DNAJB6: variants seen among roughly 807,000 people sequenced by gnomAD.
DNAJB6 encodes the protein dnaJ homolog subfamily B member 6.
A neutral mutation model predicts 42.7 loss-of-function variants in DNAJB6; 16 were observed. The observed-to-expected ratio is 0.37, with a 90% confidence interval of 0.25 to 0.57. The LOEUF (loss-of-function observed/expected upper bound fraction) is 0.57. DNAJB6 is among the 20% of genes least tolerant of loss of function. The pLI is 0.74. For missense variants in DNAJB6, 347 were observed against 416.8 expected, an observed-to-expected ratio of 0.83 and a Z score of 1.46; for synonymous variants, 170 against 163.5, an observed-to-expected ratio of 1.04 and a Z score of -0.30.
At position 157,409,892 on chromosome 7, in the gene DNAJB6, C is replaced by G. The variant is rs1795910891; in HGVS notation, c.789C>G (p.Pro263=). The G allele has an allele frequency of 2.0e-6, 3 of 1,534,160 alleles. No individual in the cohort carries two copies. The highest frequency in any genetic ancestry group is 2.6e-6 in the Non-Finnish European group (3 of 1,145,700). ...QPAGLRPPKP[P]RPASLLRHAP... The stretch of plus-strand genomic sequence containing the variant: ...CCGGCCTCCGCCCGCCGAAGCCGCC[C>G]CGGCCTGCCTCGCTGCTGAGACACG... The change falls in exon 9 of 10, where the codon CCC becomes CCG. Residue 263 remains proline (P), a synonymous_variant. Coordinates refer to ENST00000262177, the MANE Select transcript of DNAJB6 (RefSeq NM_058246.4).
intron 8 of DNAJB6, among the ~76,000 whole-genome samples, chr7:157,401,810 G>C (rs1795530011): frequency 6.6e-6 from 1 of 152,214 alleles, no homozygotes. Context: ...CCTGACCTCT[G>C]CAGCAGCGGC....
intron 5 of DNAJB6, chr7:157,369,137 G>C (rs564163935): frequency 5.4e-6 from 2 of 369,286 alleles, no homozygotes; most frequent in Non-Finnish European, 1.1e-5. Flanking sequence ...TTAGGGGACC[G>C]GGAGACTGGC....
chr7:157,372,905 ACAT>A (rs1033923408), intron 5 of DNAJB6, among the ~76,000 whole-genome samples: 31 of 152,202 alleles, frequency 2.0e-4, no homozygotes, highest in African/African-American at 7.0e-4. Flanking sequence ...TCCGATGTTG[ACAT>A]CATCTCCTTT....
intron 5 of DNAJB6, among the ~76,000 whole-genome samples, chr7:157,376,834 C>T (rs1280244708): frequency 3.3e-5 from 5 of 152,130 alleles, no homozygotes; most frequent in African/African-American, 9.7e-5. Context: ...GAGCCAAGAT[C>T]GCGCCACTAC....
chr7:157,402,921 T>G (rs991838870), intron 8 of DNAJB6, among the ~76,000 whole-genome samples: 44 of 152,154 alleles, frequency 2.9e-4, no homozygotes, highest in East Asian at 1.2e-3. Flanking sequence ...ACCAGGAGTA[T>G]CTGAGACCGT....
chr7:157,408,753 T>A (rs139748737), intron 8 of DNAJB6, among the ~76,000 whole-genome samples: 2 of 152,386 alleles, frequency 1.3e-5, no homozygotes, highest in Non-Finnish European at 2.9e-5. Flanking sequence ...TCTGTCGGTC[T>A]GTCAGTCCGT....
intron 5 of DNAJB6, among the ~76,000 whole-genome samples, chr7:157,376,116 G>GT (rs1188542274): frequency 6.6e-5 from 10 of 152,136 alleles, no homozygotes; most frequent in African/African-American, 1.9e-4. Context: ...AGCTGTTCCT[G>GT]TTCCATCAGG....
chr7:157,349,162 T>G (rs1319562002), intron 1 of DNAJB6, among the ~76,000 whole-genome samples: 1 of 152,110 alleles, frequency 6.6e-6, no homozygotes. Flanking sequence ...GGATTACAGG[T>G]GTGAGACCCT....
chr7:157,403,790 T>C (rs545749686), intron 8 of DNAJB6, among the ~76,000 whole-genome samples: 227 of 152,330 alleles, frequency 1.5e-3, no homozygotes, highest in Middle Eastern at 3.4e-3. Context: ...AAGAGAGCGG[T>C]TATACTTGCC....
intron 5 of DNAJB6, among the ~76,000 whole-genome samples, chr7:157,376,714 C>G (rs949634436): frequency 2.0e-5 from 3 of 152,092 alleles, no homozygotes; most frequent in Non-Finnish European, 4.4e-5. Flanking sequence ...AACACTACCT[C>G]TACTAAAAAT....
rs187458951 is a variant in DNAJB6 at position 157,402,780 on chromosome 7, C to T, written c.692-7015C>T. 1.1e-4 allele frequency among the ~76,000 whole-genome samples: 16 copies of T among 152,304 alleles called. No individual in the cohort carries two copies. In the East Asian group the frequency reaches 3.1e-3, roughly 29 times the overall value. Reference sequence around the variant, plus strand: ...ATTTAAAGTAAGCCACTCTTTGGCCCCTGCACTTTTCCAGGGCAGGGTAAA... The same window carrying T: ...ATTTAAAGTAAGCCACTCTTTGGCCTCTGCACTTTTCCAGGGCAGGGTAAA... On this transcript the variant is annotated intron_variant, in intron 8 of 9. Coordinates refer to ENST00000262177, the MANE Select transcript of DNAJB6 (RefSeq NM_058246.4).
intron 1 of DNAJB6, among the ~76,000 whole-genome samples, chr7:157,338,456 C>A (rs1798165465): frequency 2.0e-5 from 3 of 152,108 alleles, no homozygotes; most frequent in Admixed American, 2.0e-4. Flanking sequence ...GCCTCAGCCT[C>A]CTGAGTAGCT....
intron 1 of DNAJB6, among the ~76,000 whole-genome samples, chr7:157,357,985 C>T (rs1156251365): frequency 6.6e-6 from 1 of 152,156 alleles, no homozygotes; most frequent in Non-Finnish European, 1.5e-5. Flanking sequence ...ACGCTAACTG[C>T]TGTGTAGTCA....
intron 5 of DNAJB6, among the ~76,000 whole-genome samples, chr7:157,370,267 G>T (rs182505962): frequency 5.5e-5 from 8 of 145,440 alleles, no homozygotes; most frequent in African/African-American, 7.7e-5. Context: ...TTATTAAACC[G>T]GCCTTTCATT....
At chr7:157,399,764 G>T (rs150590498) in intron 8 of DNAJB6, among the ~76,000 whole-genome samples, 1 of 152,142 alleles carries the variant, frequency 6.6e-6, no homozygotes, top group Non-Finnish European at 1.5e-5. Context: ...CGCCTCCTGG[G>T]TTCAAGCAAT....
chr7:157,405,571 T>G (rs1280713908), intron 8 of DNAJB6, among the ~76,000 whole-genome samples: 2 of 152,170 alleles, frequency 1.3e-5, no homozygotes, highest in Non-Finnish European at 2.9e-5. Context: ...CTGTCAGCCC[T>G]GAACATGGAG....
chr7:157,380,274 T>C (rs950271389), intron 5 of DNAJB6: 1 of 152,256 alleles, frequency 6.6e-6, no homozygotes, highest in Admixed American at 6.5e-5. Context: ...AGGCTATGGC[T>C]GCAAAGTAGA....
intron 8 of DNAJB6, among the ~76,000 whole-genome samples, chr7:157,402,845 G>A (rs1213069074): frequency 2.0e-5 from 3 of 152,344 alleles, no homozygotes; most frequent in African/African-American, 7.2e-5. Flanking sequence ...ATCACCGTGG[G>A]CCACGGAGAA....
intron 5 of DNAJB6, among the ~76,000 whole-genome samples, chr7:157,368,339 T>C (rs1329953354): frequency 6.6e-6 from 1 of 152,210 alleles, no homozygotes. Flanking sequence ...AATTGGTGTG[T>C]GAATTTGCCA....
Sources: allele counts gnomAD v4.1 joint callset (sites outside exome capture counted in the v4.1 genomes callset), GRCh38; gene constraint gnomAD v4.1.1; transcripts MANE v1.5; gene names NCBI Gene and HGNC (gene_info 2026-07-23, HGNC 2026-07-21).